Variants in AGAP1 observed in about 807,000 individuals in gnomAD.
AGAP1 encodes the protein ArfGAP with GTPase domain, ankyrin repeat and PH domain 1.
A neutral mutation model predicts 105.3 loss-of-function variants in AGAP1; 29 were observed. The observed-to-expected ratio is 0.28, with a 90% CI of 0.21 to 0.38. AGAP1 has a LOEUF of 0.38. Ranked by LOEUF, AGAP1 falls within the 10% of genes least tolerant of loss-of-function variation. The probability of loss-of-function intolerance (pLI) is 1.00; values close to 1 mark genes in which losing one functional copy is unlikely to be tolerated. For synonymous variants in AGAP1, 509 were observed against 485.9 expected (o/e 1.05, Z -0.63); for missense variants, 998 against 1,165.1 (o/e 0.86, Z 2.09).
chr2:235,602,534 G>A (rs1455061330), intron 1 of AGAP1, among the ~76,000 whole-genome samples: 1 of 152,118 alleles, frequency 6.6e-6, no homozygotes, highest in East Asian at 1.9e-4. Flanking sequence ...CTTTGCATTA[G>A]CCGTGCCCTC....
intron 11 of AGAP1, among the ~76,000 whole-genome samples, chr2:235,915,705 G>C (rs371675437): frequency 5.3e-5 from 8 of 152,090 alleles, no homozygotes; most frequent in African/African-American, 9.7e-5. Flanking sequence ...AATACTATAG[G>C]AGAAAAAGTT....
At position 235,655,415 on chromosome 2, in the gene AGAP1, C is replaced by G. The variant is rs1366680845; in HGVS notation, c.164-53764C>G. Among the ~76,000 whole-genome samples the G allele has an allele frequency of 6.6e-6, 1 of 152,146 alleles. No homozygotes were observed. The highest frequency in any genetic ancestry group is 1.5e-5 in the Non-Finnish European group (1 of 68,036). ...AGGTAATTTCAATGTTGGTCATGCCCAGGGATCTCCTTAAGTGTTGCAGAA... is the reference window on the plus strand; with the variant it reads ...AGGTAATTTCAATGTTGGTCATGCCGAGGGATCTCCTTAAGTGTTGCAGAA... On this transcript the variant is annotated intron_variant, in intron 1 of 17. Coordinates refer to ENST00000304032, the MANE Select transcript of AGAP1 (RefSeq NM_001037131.3). The surrounding 1 kb of genome is among the most constrained non-coding windows in gnomAD (Gnocchi z 4.3).
chr2:236,078,659 T>C lies in AGAP1; in HGVS notation c.2114+29378T>C, dbSNP rs111367396. ...GAGCAGCGTGCTAGCATTTCTTGAC[T>C]CCAGATGGGTTTCACACACGTCTGT... On this transcript the variant is annotated intron_variant, in intron 16 of 17. Transcript: ENST00000304032. This position sits in a 1 kb window ranked among gnomAD's most constrained non-coding sequence, Gnocchi z 5.3. Among the ~76,000 whole-genome samples the C allele has an allele frequency of 1.3e-5, 2 of 152,150 alleles. No homozygotes were observed. The highest frequency in any genetic ancestry group is 4.8e-5 in the African/African-American group (2 of 41,430).
At chr2:235,589,649 T>G (rs916742996) in intron 1 of AGAP1, among the ~76,000 whole-genome samples, 3 of 152,118 alleles carry the variant, frequency 2.0e-5, no homozygotes, top group African/African-American at 7.2e-5. Flanking sequence ...CATTTTAAAA[T>G]TATTCTGGAT....
intron 1 of AGAP1, among the ~76,000 whole-genome samples, chr2:235,695,037 A>G (rs1035041297): frequency 3.3e-5 from 5 of 152,234 alleles, no homozygotes; most frequent in African/African-American, 1.2e-4. Flanking sequence ...TTACTATTAA[A>G]TAGACTGTAT....
At chr2:235,757,385 C>T (rs778347332) in intron 6 of AGAP1, among the ~76,000 whole-genome samples, 10 of 138,084 alleles carry the variant, frequency 7.2e-5, no homozygotes, top group African/African-American at 1.1e-4. Context: ...CTAGTGCTCC[C>T]GGGCTCTGTG....
chr2:235,553,913 C>T lies in AGAP1; in HGVS notation c.163+59064C>T, dbSNP rs1389538133. ...ACGGTTGCCTCCGCCTCCCACCCCA[C>T]CCCGTGGTGCGGCGTGTGCCAAGAC... is the stretch of plus-strand genomic sequence containing the variant. On this transcript the variant is annotated intron_variant, in intron 1 of 17. Transcript: ENST00000304032. The surrounding 1 kb of genome is among the most constrained non-coding windows in gnomAD (Gnocchi z 4.5). Among the ~76,000 whole-genome samples, 2 of 152,266 alleles carry T rather than the reference C, an allele frequency of 1.3e-5. No homozygotes were observed. The highest frequency in any genetic ancestry group is 2.9e-5 in the Non-Finnish European group (2 of 68,048).
Position 235,559,935 on chromosome 2 carries a change from G to A in AGAP1, c.163+65086G>A, listed in dbSNP as rs184218686. ...TGCAAATATATTCTTTTTTTCTGTG[G>A]TTTGTCCATTAATGTTCTTGATATT... is the stretch of plus-strand genomic sequence containing the variant. On this transcript the variant is annotated intron_variant, in intron 1 of 17. Transcript: ENST00000304032. This position sits in a 1 kb window ranked among gnomAD's most constrained non-coding sequence, Gnocchi z 5.7. 6.6e-6 allele frequency among the ~76,000 whole-genome samples: 1 copy of A among 151,920 alleles called. No homozygotes were observed. Among genetic ancestry groups the A allele is most frequent in the Admixed American group, 6.5e-5 (1 of 15,280 alleles).
chr2:235,691,111 G>A lies in AGAP1; in HGVS notation c.164-18068G>A, dbSNP rs111837763. Among the ~76,000 whole-genome samples, 26 of 152,290 alleles carry A rather than the reference G, an allele frequency of 1.7e-4. No homozygotes were observed. Among genetic ancestry groups the A allele is most frequent in the African/African-American group, 6.0e-4 (25 of 41,580 alleles). ...TCCTCCAGACTCTGCTCCCTAGGCC[G>A]AGGTGAGGCCAGCAAGGAGTCTGCC... On this transcript the variant is annotated intron_variant, in intron 1 of 17. Coordinates refer to ENST00000304032, the MANE Select transcript of AGAP1 (RefSeq NM_001037131.3). The surrounding 1 kb of genome is among the most constrained non-coding windows in gnomAD (Gnocchi z 4.4).
At chr2:235,647,772 G>A (rs1235302706) in intron 1 of AGAP1, among the ~76,000 whole-genome samples, 1 of 152,108 alleles carries the variant, frequency 6.6e-6, no homozygotes, top group African/African-American at 2.4e-5. Flanking sequence ...TTCCATTCTA[G>A]TCTAATTTCA....
intron 16 of AGAP1, among the ~76,000 whole-genome samples, chr2:236,094,551 C>T (rs563866572): frequency 5.3e-5 from 8 of 151,886 alleles, no homozygotes; most frequent in Admixed American, 3.3e-4. Context: ...CAGGCTTCAC[C>T]GTGTTGTTCA....
chr2:235,797,906 A>G lies in AGAP1; in HGVS notation c.801+20A>G. ...AGCCAGGTACGTTAGGTGACATGAG[A>G]AGTCAGACTCTTAGAACCAAAGACA... On this transcript the variant is annotated intron_variant, in intron 7 of 17. Transcript: ENST00000304032. 3 of 1,613,680 alleles carry G rather than the reference A, an allele frequency of 1.9e-6. No individual in the cohort carries two copies. Among genetic ancestry groups the G allele is most frequent in the Non-Finnish European group, 8.5e-7 (1 of 1,179,860 alleles).
At chr2:235,933,087 A>G (rs182906252) in intron 12 of AGAP1, among the ~76,000 whole-genome samples, 4 of 152,334 alleles carry the variant, frequency 2.6e-5, no homozygotes, top group Admixed American at 2.6e-4. Context: ...GCTGAGGGAC[A>G]TGGAAGGAGA....
chr2:235,968,938 GA>G (rs2054524443), intron 13 of AGAP1, among the ~76,000 whole-genome samples: 1 of 152,182 alleles, frequency 6.6e-6, no homozygotes, highest in South Asian at 2.1e-4. Context: ...CAGCCTGGGC[GA>G]GTGTCCTCTC....
chr2:235,590,260 GT>G (rs1421016466), intron 1 of AGAP1, among the ~76,000 whole-genome samples: 1 of 152,204 alleles, frequency 6.6e-6, no homozygotes, highest in Non-Finnish European at 1.5e-5. Context: ...TCAAAAAGTA[GT>G]TTTTAGTCTT....
At chr2:235,581,754 G>A (rs1340723318) in intron 1 of AGAP1, among the ~76,000 whole-genome samples, 2 of 152,052 alleles carry the variant, frequency 1.3e-5, no homozygotes, top group Admixed American at 6.5e-5. Flanking sequence ...GCAGTGAGCC[G>A]AGATCGTGCT....
chr2:235,958,423 C>T lies in AGAP1; in HGVS notation c.1484-10039C>T, dbSNP rs567588978. The stretch of plus-strand genomic sequence containing the variant: ...CACCTACGCCCAGCACCTCCCCCAG[C>T]GGACACATTTAGAGACCCTCGGGAG... On this transcript the variant is annotated intron_variant, in intron 12 of 17. Transcript: ENST00000304032. The surrounding 1 kb of genome is among the most constrained non-coding windows in gnomAD (Gnocchi z 4.1). Among the ~76,000 whole-genome samples the T allele has an allele frequency of 2.5e-4, 38 of 152,190 alleles. No individual in the cohort carries two copies. The highest frequency in any genetic ancestry group is 8.7e-4 in the African/African-American group (36 of 41,544).
intron 11 of AGAP1, among the ~76,000 whole-genome samples, chr2:235,915,454 C>A (rs1329695869): frequency 7.2e-6 from 1 of 138,348 alleles, no homozygotes; most frequent in African/African-American, 2.7e-5. Context: ...GCAGGCAGAT[C>A]CCCTGAGCCC....
chr2:235,617,811 T>C (rs1415869213), intron 1 of AGAP1, among the ~76,000 whole-genome samples: 1 of 152,230 alleles, frequency 6.6e-6, no homozygotes, highest in African/African-American at 2.4e-5. Context: ...TTTTTTGTTT[T>C]TAAAAACACT....
Sources: allele counts gnomAD v4.1 joint callset (sites outside exome capture counted in the v4.1 genomes callset), GRCh38; gene constraint gnomAD v4.1.1; non-coding constraint Gnocchi (gnomAD v3.1); transcripts MANE v1.5; gene names NCBI Gene and HGNC (gene_info 2026-07-23, HGNC 2026-07-21).